Variants in SPRTN observed in about 807,000 individuals in gnomAD.
SPRTN encodes DNA-dependent metalloprotease SPRTN.
In SPRTN, 11 loss-of-function variants were observed where a neutral mutation model predicts 31.9. The observed-to-expected ratio is 0.34, with a 90% CI of 0.22 to 0.57. The LOEUF is 0.57. SPRTN is among the 20% of genes least tolerant of loss of function. The pLI is 0.86. For missense variants in SPRTN, 482 were observed against 590.1 expected (o/e 0.82, Z 1.90); for synonymous variants, 185 against 212.1 (o/e 0.87, Z 1.11).
At chr1:231,338,770 C>T (rs1686769821) in intron 1 of SPRTN, among the ~76,000 whole-genome samples, 166 bp downstream of exon 1, 1 of 152,208 alleles carries the variant, frequency 6.6e-6, no homozygotes, top group Non-Finnish European at 1.5e-5. Context: ...TTTCTGTCTT[C>T]CTTACCTTTT....
Position 231,339,827 on chromosome 1 carries a change from G to A in SPRTN, c.280G>A (p.Glu94Lys), listed in dbSNP as rs1221732185. 3 of 1,613,990 alleles carry A rather than the reference G, an allele frequency of 1.9e-6. No homozygotes were observed. The highest frequency in any genetic ancestry group is 2.2e-5 in the East Asian group (1 of 44,892). Residue 94 changes from glutamate (E) to lysine (K), a missense_variant, in exon 2 of 5, where the codon GAA (glutamate) becomes AAA (lysine). Transcript: ENST00000295050. Reference sequence around the variant, plus strand: ...TGGAATGTGTTCCATCCGTCTCAGCGAACCCCTTTTGAAGTTGAGGCCAAG... The same window carrying A: ...TGGAATGTGTTCCATCCGTCTCAGCAAACCCCTTTTGAAGTTGAGGCCAAG... ...KGGMCSIRLSEPLLKLRPRKD... is the reference protein window; with the variant it reads ...KGGMCSIRLSKPLLKLRPRKD...
In SPRTN at chr1:231,351,584, A is replaced by T; in HGVS notation, c.718+13A>T. On this transcript the variant is annotated intron_variant, in intron 4 of 4. Coordinates refer to ENST00000295050, the MANE Select transcript of SPRTN (RefSeq NM_032018.7). ...GCAGAGAATAAAGGTACCTTCGTGT[A>T]TATTCTTCTGATTTTTATGTGACCA... 1 of 1,612,186 alleles carries T rather than the reference A, an allele frequency of 6.2e-7. No individual in the cohort carries two copies. The highest frequency in any genetic ancestry group is 8.5e-7 in the Non-Finnish European group (1 of 1,179,314).
intron 1 of SPRTN, 79 bp from the exon 2 acceptor site, chr1:231,339,690 G>C: frequency 2.1e-6 from 3 of 1,417,450 alleles, no homozygotes; most frequent in Non-Finnish European, 3.0e-6. Context: ...AACTGAGTTA[G>C]TGTGAACTGC....
At position 231,338,617 on chromosome 1, in the gene SPRTN, C is replaced by G; in HGVS notation, c.221+13C>G. On this transcript the variant is annotated intron_variant, in intron 1 of 4. Coordinates refer to ENST00000295050, the MANE Select transcript of SPRTN (RefSeq NM_032018.7). ...TGCGAATGACCCTGTGAGTTCCGAGCCCCGCTGGGGAAAGAGGCGGGACTG... is the reference window on the plus strand; with the variant it reads ...TGCGAATGACCCTGTGAGTTCCGAGGCCCGCTGGGGAAAGAGGCGGGACTG... The G allele has an allele frequency of 6.2e-7, 1 of 1,613,776 alleles. No homozygotes were observed. The highest frequency in any genetic ancestry group is 8.5e-7 in the Non-Finnish European group (1 of 1,179,684).
At chr1:231,338,752 T>A in intron 1 of SPRTN, 148 bp downstream of exon 1, 1 of 836,716 alleles carries the variant, frequency 1.2e-6, no homozygotes, top group Non-Finnish European at 1.8e-6. Context: ...AATTCCTGCC[T>A]CGGCGTGTTT....
rs760946107 is a variant in SPRTN, at chr1:231,352,779, TA to T, written c.890del (p.Asn297IlefsTer6). On this transcript the variant is annotated frameshift_variant, in exon 5 of 5. Coordinates refer to ENST00000295050, the MANE Select transcript of SPRTN (RefSeq NM_032018.7). LOFTEE classifies it low-confidence loss of function (END_TRUNC). ...ACCATTCAGCAAATGCTGTAAGACC[TA>T]ATTCTAAAATCAAGGTGAAATTTGA... is the stretch of plus-strand genomic sequence containing the variant. ...QNHSANAVRP[N>X]SKIKVKFEQN... is the part of the protein sequence containing the mutation. The T allele has an allele frequency of 2.5e-6, 4 of 1,613,888 alleles. No homozygotes were observed. The South Asian group carries it at 4.4e-5, about 18-fold the overall frequency.
intron 1 of SPRTN, 21 bp downstream of exon 1, chr1:231,338,625 G>A: frequency 6.2e-7 from 1 of 1,613,096 alleles, no homozygotes; most frequent in Non-Finnish European, 8.5e-7. Flanking sequence ...AGCCCCGCTG[G>A]GGAAAGAGGC....
intron 4 of SPRTN, chr1:231,352,107 C>T (rs2102874682): frequency 1.0e-6 from 1 of 989,368 alleles, no homozygotes; most frequent in East Asian, 1.1e-4. Context: ...TCAAGATTTA[C>T]CCTTTTCCTG....
chr1:231,338,639 A>G (rs752359086), intron 1 of SPRTN, 35 bp downstream of exon 1: 20 of 1,609,840 alleles, frequency 1.2e-5, no homozygotes, highest in Non-Finnish European at 1.6e-5. Context: ...AAGAGGCGGG[A>G]CTGGCAGCTT....
intron 2 of SPRTN, among the ~76,000 whole-genome samples, chr1:231,344,179 T>C (rs537994283): frequency 6.6e-6 from 1 of 152,332 alleles, no homozygotes; most frequent in African/African-American, 2.4e-5. Context: ...GAGAAACTTT[T>C]GCAGTACCTT....
intron 2 of SPRTN, among the ~76,000 whole-genome samples, chr1:231,346,586 A>T (rs910385552): frequency 1.3e-5 from 2 of 152,124 alleles, no homozygotes; most frequent in Non-Finnish European, 2.9e-5. Context: ...ATAGCCTGTG[A>T]TAAGAGTTAT....
At chr1:231,348,604 C>T (rs1687132133) in intron 3 of SPRTN, among the ~76,000 whole-genome samples, 1 of 152,086 alleles carries the variant, frequency 6.6e-6, no homozygotes, top group Non-Finnish European at 1.5e-5. Context: ...ACTCTGCTGC[C>T]TGTGTCCTGT....
rs546107970 is a variant in SPRTN, at chr1:231,343,623, G to GTC, written c.321+3757_321+3758dup. 8.4e-4 allele frequency among the ~76,000 whole-genome samples: 128 copies of GTC among 152,174 alleles called. 2 individuals are homozygous for GTC. The East Asian group carries it at 0.011, about 14-fold the overall frequency. Reference sequence around the variant, plus strand: ...TGTGTCAGACTTTGGACTAAACGTCGTCTTTACCACAGCCATGCAAAATGA... The same window carrying GTC: ...TGTGTCAGACTTTGGACTAAACGTCGTCTCTTTACCACAGCCATGCAAAATGA... On this transcript the variant is annotated intron_variant, in intron 2 of 4. Coordinates refer to ENST00000295050, the MANE Select transcript of SPRTN (RefSeq NM_032018.7).
intron 2 of SPRTN, chr1:231,344,728 G>C (rs1179251216): frequency 6.5e-6 from 2 of 309,782 alleles, no homozygotes; most frequent in Non-Finnish European, 1.4e-5. Context: ...TGTCTTTGAA[G>C]ATCTTTCTGA....
At chr1:231,343,241 T>C (rs924323632) in intron 2 of SPRTN, among the ~76,000 whole-genome samples, 12 of 152,034 alleles carry the variant, frequency 7.9e-5, no homozygotes, top group Non-Finnish European at 1.6e-4. Context: ...GTATATATAC[T>C]CTATAGCCTA....
At position 231,339,802 on chromosome 1, in the gene SPRTN, T is replaced by C. The variant is rs766960947; in HGVS notation, c.255T>C (p.Gly85=). ...GGATATGCAGCTATGAAGGGAAGGG[T>C]GGAATGTGTTCCATCCGTCTCAGCG... is the stretch of plus-strand genomic sequence containing the variant. The part of the protein sequence containing the change: ...CAGICSYEGK[G]GMCSIRLSEP... Residue 85 remains glycine, a synonymous_variant, in exon 2 of 5, where the codon GGT becomes GGC. Transcript: ENST00000295050. 7 of 1,614,002 alleles carry C rather than the reference T, an allele frequency of 4.3e-6. No homozygotes were observed. In the South Asian group the frequency reaches 7.7e-5, roughly 18 times the overall value.
chr1:231,349,766 T>G (rs1380973221), intron 3 of SPRTN, among the ~76,000 whole-genome samples: 1 of 152,160 alleles, frequency 6.6e-6, no homozygotes, highest in Non-Finnish European at 1.5e-5. Flanking sequence ...TCCCAGCACT[T>G]TGGGAGGCCG....
chr1:231,352,485 G>A, intron 4 of SPRTN, 125 bp from the exon 5 acceptor site: 1 of 1,454,232 alleles, frequency 6.9e-7, no homozygotes, highest in Non-Finnish European at 9.0e-7. Flanking sequence ...GGATTGTATG[G>A]ATGTAAGATG....
chr1:231,348,748 C>T (rs1687138020), intron 3 of SPRTN, among the ~76,000 whole-genome samples: 1 of 152,120 alleles, frequency 6.6e-6, no homozygotes, highest in Admixed American at 6.5e-5. Context: ...TTTGAATCCT[C>T]AGCAGATATT....
Sources: allele counts gnomAD v4.1 joint callset (sites outside exome capture counted in the v4.1 genomes callset), GRCh38; gene constraint gnomAD v4.1.1; transcripts MANE v1.5; gene names NCBI Gene and HGNC (gene_info 2026-07-23, HGNC 2026-07-21).